CREG1: variants seen among roughly 807,000 people sequenced by gnomAD.
The protein encoded by CREG1 is cellular repressor of E1A stimulated genes 1, also known as protein CREG1.
In CREG1, 20 loss-of-function variants were observed where a neutral mutation model predicts 19.9. That is an observed-to-expected ratio of 1.01 (90% confidence interval 0.71 to 1.46). The LOEUF is 1.46. Ranked by LOEUF, CREG1 falls within the 40% of genes most tolerant of loss-of-function variation. CREG1 has a pLI of 0.00. For synonymous variants in CREG1, 141 were observed against 143.3 expected (o/e 0.98, Z 0.12); for missense variants, 290 against 314.9 (o/e 0.92, Z 0.60).
At chr1:167,548,825 C>T (rs1198159998) in intron 1 of CREG1, among the ~76,000 whole-genome samples, 1 of 152,166 alleles carries the variant, frequency 6.6e-6, no homozygotes, top group East Asian at 1.9e-4. Context: ...TTCACACTGA[C>T]CCATCAAAAC....
chr1:167,545,140 G>A (rs1656295446), intron 3 of CREG1, among the ~76,000 whole-genome samples: 1 of 152,098 alleles, frequency 6.6e-6, no homozygotes, highest in African/African-American at 2.4e-5. Flanking sequence ...CTGATGGGAT[G>A]GGGTTACTTG....
rs1432589011 is a variant in CREG1 at position 167,546,086 on chromosome 1, T to A, written c.659+15A>T. 1 of 1,568,966 alleles carries A rather than the reference T, an allele frequency of 6.4e-7. No individual in the cohort carries two copies. On this transcript the variant is annotated intron_variant, in intron 3 of 3. Coordinates refer to ENST00000370509, the MANE Select transcript of CREG1 (RefSeq NM_003851.3). ...AAGGGCGGCAATCTTAGGTGAAAGA[T>A]GTGTAAGTACTTACTGAACTGTGAC...
chr1:167,547,962 G>A lies in CREG1; in HGVS notation c.474+40C>T, dbSNP rs547408654. Reference sequence around the variant, plus strand: ...ATTCTTTCATTGTGAATACGATGGTGTTCTGAAACCATCTCCCTTCCTGTA... The same window carrying A: ...ATTCTTTCATTGTGAATACGATGGTATTCTGAAACCATCTCCCTTCCTGTA... On this transcript the variant is annotated intron_variant, in intron 2 of 3. Transcript: ENST00000370509. 3.1e-6 allele frequency: 5 copies of A among 1,588,354 alleles called. No individual in the cohort carries two copies. In the African/African-American group the frequency reaches 5.4e-5, roughly 17 times the overall value.
rs182998336 is a variant in CREG1 at position 167,546,574 on chromosome 1, G to A, written c.475-289C>T. Among the ~76,000 whole-genome samples the A allele has an allele frequency of 7.4e-4, 113 of 152,198 alleles. No homozygotes were observed. The East Asian group carries it at 0.018, about 25-fold the overall frequency. On this transcript the variant is annotated intron_variant, in intron 2 of 3. Coordinates refer to ENST00000370509, the MANE Select transcript of CREG1 (RefSeq NM_003851.3). ...GGAAAATGGCATGAACCCGGGAGGC[G>A]GAGCTTGCGGTGAGCCGAGATCGTG...
At position 167,544,485 on chromosome 1, in the gene CREG1, C is replaced by T. The variant is rs563066770; in HGVS notation, c.659+1616G>A. On this transcript the variant is annotated intron_variant, in intron 3 of 3. Coordinates refer to ENST00000370509, the MANE Select transcript of CREG1 (RefSeq NM_003851.3). ...ACAAGTCTACCTTAGTTATCATCAC[C>T]GTAATCTCCTGAAACAGCAGTCAAT... Among the ~76,000 whole-genome samples, 274 of 152,046 alleles carry T rather than the reference C, an allele frequency of 1.8e-3. 2 individuals are homozygous for T. The highest frequency in any genetic ancestry group is 6.3e-3 in the African/African-American group (263 of 41,458).
intron 1 of CREG1, among the ~76,000 whole-genome samples, chr1:167,550,973 G>A (rs1656414511): frequency 6.6e-6 from 1 of 152,148 alleles, no homozygotes; most frequent in African/African-American, 2.4e-5. Flanking sequence ...AGAAAAGAAT[G>A]CCAAAATGGA....
Position 167,542,289 on chromosome 1 carries a change from C to T in CREG1, c.*9G>A, listed in dbSNP as rs769332989. 3 of 1,602,654 alleles carry T rather than the reference C, an allele frequency of 1.9e-6. No individual in the cohort carries two copies. The South Asian group carries it at 3.4e-5, about 18-fold the overall frequency. ...TTCATAAGTGTTGCTAAATTCACCA[C>T]AGTCTGCTTCACCTAGAAAGGGGAA... On this transcript the variant is annotated 3_prime_UTR_variant, in exon 4 of 4. Coordinates refer to ENST00000370509, the MANE Select transcript of CREG1 (RefSeq NM_003851.3).
Position 167,553,520 on chromosome 1 carries a change from G to A in CREG1, c.222C>T (p.Ile74=). The A allele has an allele frequency of 2.0e-6, 3 of 1,488,364 alleles. No individual in the cohort carries two copies. The highest frequency in any genetic ancestry group is 2.7e-6 in the Non-Finnish European group (3 of 1,126,758). 92.2% of individuals were successfully genotyped at this position (1,488,364 alleles called of 1,614,324 possible). ...HVSDWGALAT[I]STLEAVRGRP... ...GGCCGCGCACCGCCTCCAGCGTGGA[G>A]ATGGTGGCCAGAGCGCCCCAGTCGG... Residue 74 remains isoleucine, a synonymous_variant, in exon 1 of 4, where the codon ATC becomes ATT. Transcript: ENST00000370509.
At chr1:167,552,795 C>G (rs1477587985) in intron 1 of CREG1, among the ~76,000 whole-genome samples, 2 of 152,030 alleles carry the variant, frequency 1.3e-5, no homozygotes, top group East Asian at 3.9e-4. Context: ...GCCTGTAATC[C>G]CAGCACTTTG....
At chr1:167,542,671 C>G (rs949906325) in intron 3 of CREG1, among the ~76,000 whole-genome samples, 5 of 152,166 alleles carry the variant, frequency 3.3e-5, no homozygotes, top group Admixed American at 3.3e-4. Context: ...TAGTTGAGAA[C>G]AGAAGGGGTC....
chr1:167,551,686 C>T (rs950616692), intron 1 of CREG1, among the ~76,000 whole-genome samples: 1 of 152,142 alleles, frequency 6.6e-6, no homozygotes, highest in Admixed American at 6.5e-5. Context: ...TGTGGGGAGG[C>T]GGGAAGGGGT....
chr1:167,547,688 AGGTG>A (rs1453579865), intron 2 of CREG1, among the ~76,000 whole-genome samples: 1 of 152,170 alleles, frequency 6.6e-6, no homozygotes, highest in Admixed American at 6.5e-5. Context: ...TGGGAGGTCG[AGGTG>A]GGTGGATCAC....
At chr1:167,548,979 T>C (rs781456939) in intron 1 of CREG1, among the ~76,000 whole-genome samples, 1 of 152,156 alleles carries the variant, frequency 6.6e-6, no homozygotes, top group African/African-American at 2.4e-5. Flanking sequence ...TATAATCTGG[T>C]TGAAAAGGCA....
At chr1:167,543,255 A>G (rs1021549516) in intron 3 of CREG1, among the ~76,000 whole-genome samples, 8 of 152,106 alleles carry the variant, frequency 5.3e-5, no homozygotes, top group Non-Finnish European at 4.4e-5. Flanking sequence ...TCAAAAAAAA[A>G]AAAAAGAACT....
At chr1:167,547,160 A>G (rs1175092691) in intron 2 of CREG1, among the ~76,000 whole-genome samples, 1 of 152,242 alleles carries the variant, frequency 6.6e-6, no homozygotes, top group East Asian at 1.9e-4. Context: ...CTGGCTGGGT[A>G]ATCAGATCAG....
In CREG1 at chr1:167,542,169, C is replaced by A. The variant is rs949972555; in HGVS notation, c.*129G>T. On this transcript the variant is annotated 3_prime_UTR_variant, in exon 4 of 4. Coordinates refer to ENST00000370509, the MANE Select transcript of CREG1 (RefSeq NM_003851.3). ...ACAAGCAAGTAAACAAGCAAGCAAA[C>A]AAACCAGCATGTGACAGAAAACTGG... is the stretch of plus-strand genomic sequence containing the variant. 110 of 759,152 alleles carry A rather than the reference C, an allele frequency of 1.4e-4. No individual in the cohort carries two copies. Among genetic ancestry groups the A allele is most frequent in the Non-Finnish European group, 2.2e-4 (109 of 496,760 alleles). The allele number at this position is 759,152 out of a possible 1,614,324, so 47.0% of individuals were successfully genotyped here. A position where few individuals can be genotyped will look rare whatever the true frequency, so the allele number is the denominator to read the frequency against.
At chr1:167,546,818 T>A (rs1656335298) in intron 2 of CREG1, among the ~76,000 whole-genome samples, 1 of 152,252 alleles carries the variant, frequency 6.6e-6, no homozygotes, top group African/African-American at 2.4e-5. Flanking sequence ...GAAACCACTG[T>A]AAGTATAATA....
rs1204211298 is a variant in CREG1 at position 167,542,132 on chromosome 1, C to T, written c.*166G>A. ...TCCAGGAAATCCAATAACAGGTCAACTCTATTGGTAAACAAGCAAGTAAAC... is the reference window on the plus strand; with the variant it reads ...TCCAGGAAATCCAATAACAGGTCAATTCTATTGGTAAACAAGCAAGTAAAC... On this transcript the variant is annotated 3_prime_UTR_variant, in exon 4 of 4. Coordinates refer to ENST00000370509, the MANE Select transcript of CREG1 (RefSeq NM_003851.3). 1.1e-5 allele frequency: 6 copies of T among 566,506 alleles called. No individual in the cohort carries two copies. Among genetic ancestry groups the T allele is most frequent in the Non-Finnish European group, 1.8e-5 (6 of 333,728 alleles). 35.1% of individuals were successfully genotyped at this position (566,506 alleles called of 1,614,324 possible). A position where few individuals can be genotyped will look rare whatever the true frequency, so the allele number is the denominator to read the frequency against.
At chr1:167,551,216 T>TA (rs1181237375) in intron 1 of CREG1, among the ~76,000 whole-genome samples, 2 of 152,210 alleles carry the variant, frequency 1.3e-5, no homozygotes, top group African/African-American at 4.8e-5. Flanking sequence ...AGAGGACAGG[T>TA]ATTTTACACA....
Sources: allele counts gnomAD v4.1 joint callset (sites outside exome capture counted in the v4.1 genomes callset), GRCh38; gene constraint gnomAD v4.1.1; transcripts MANE v1.5; gene names NCBI Gene and HGNC (gene_info 2026-07-23, HGNC 2026-07-21).